Variants in NALCN observed in about 807,000 individuals in gnomAD.
The protein encoded by NALCN is sodium leak channel, non-selective.
A neutral mutation model predicts 225.3 loss-of-function variants in NALCN; 111 were observed. The ratio of observed to expected loss-of-function variants is 0.49; its 90% confidence interval spans 0.42 to 0.58. NALCN has a LOEUF of 0.58. Among genes scored for constraint, NALCN ranks in the 20% least tolerant of loss-of-function variants. The pLI is 0.00. For missense variants in NALCN, 1,378 were observed against 2,202.4 expected, an observed-to-expected ratio of 0.63 and a Z score of 7.49; for synonymous variants, 764 against 769.0, an observed-to-expected ratio of 0.99 and a Z score of 0.11.
intron 28 of NALCN, among the ~76,000 whole-genome samples, chr13:101,091,413 A>G (rs2034228216): frequency 6.6e-6 from 1 of 152,206 alleles, no homozygotes; most frequent in Non-Finnish European, 1.5e-5. Flanking sequence ...ATGTGCCTTC[A>G]TAAGTTTTTT....
At position 101,108,119 on chromosome 13, in the gene NALCN, A is replaced by G. The variant is rs9585625; in HGVS notation, c.2365-330T>C. On this transcript the variant is annotated intron_variant, in intron 20 of 43. Coordinates refer to ENST00000251127, the MANE Select transcript of NALCN (RefSeq NM_052867.4). ...TATATATTTATAATTATGTATATTT[A>G]TACTAAAGGTATATATTTACATTAA... Among the ~76,000 whole-genome samples the G allele has an allele frequency of 5.4e-3, 804 of 148,934 alleles. 5 individuals carry two copies. The highest frequency in any genetic ancestry group is 0.019 in the African/African-American group (773 of 40,978).
chr13:101,315,000 C>CTTTTCCAATGGGAAGAAAAGCT (rs11272454), intron 7 of NALCN, among the ~76,000 whole-genome samples: 1 of 152,042 alleles, frequency 6.6e-6, no homozygotes, highest in Non-Finnish European at 1.5e-5. Context: ...TAAGGAAGGG[C>CTTTTCCAATGGGAAGAAAAGCT]TTACAAAGGA....
intron 13 of NALCN, among the ~76,000 whole-genome samples, chr13:101,193,188 C>T (rs981846814): frequency 6.6e-6 from 1 of 150,940 alleles, no homozygotes; most frequent in Non-Finnish European, 1.5e-5. Flanking sequence ...ATTTCTGGCA[C>T]TAATAGAAGT....
chr13:101,202,461 G>A (rs906765063), intron 13 of NALCN, among the ~76,000 whole-genome samples: 1 of 152,170 alleles, frequency 6.6e-6, no homozygotes, highest in Non-Finnish European at 1.5e-5. Context: ...ATATAGTACT[G>A]TTGGTTAGAG....
intron 13 of NALCN, among the ~76,000 whole-genome samples, chr13:101,203,269 G>A (rs1050622389): frequency 2.6e-5 from 4 of 152,172 alleles, no homozygotes; most frequent in African/African-American, 7.2e-5. Flanking sequence ...AGGCTGGAGT[G>A]CAATGGCACG....
chr13:101,397,038 T>G (rs2047312678), intron 2 of NALCN, among the ~76,000 whole-genome samples: 1 of 132,226 alleles, frequency 7.6e-6, no homozygotes, highest in Non-Finnish European at 1.6e-5. Context: ...TGCTTTGCAG[T>G]CCAAGAAGTA....
intron 1 of NALCN, among the ~76,000 whole-genome samples, chr13:101,414,679 C>T (rs745496522): frequency 4.6e-5 from 7 of 152,126 alleles, no homozygotes; most frequent in Non-Finnish European, 1.0e-4. Flanking sequence ...TTTTTAAGTA[C>T]ATTTTTTAAG....
chr13:101,368,681 T>C (rs2046451022), intron 6 of NALCN: 1 of 152,300 alleles, frequency 6.6e-6, no homozygotes, highest in African/African-American at 2.4e-5. Flanking sequence ...TGTGGGGCTT[T>C]AAAATGCAGT....
chr13:101,227,482 T>C (rs958577179), intron 13 of NALCN, among the ~76,000 whole-genome samples: 1 of 152,108 alleles, frequency 6.6e-6, no homozygotes, highest in Non-Finnish European at 1.5e-5. Flanking sequence ...TCTCCTCCCG[T>C]GGAACACTGG....
Position 101,143,245 on chromosome 13 carries a change from A to C in NALCN, c.1977-24T>G, listed in dbSNP as rs2139788667. On this transcript the variant is annotated intron_variant, in intron 16 of 43. Transcript: ENST00000251127. ...CCCTTTGCAAATGAAGTATATGTGC[A>C]TCAGGCATTATTAGTGGAAGGGAGC... 2.5e-6 allele frequency: 4 copies of C among 1,581,068 alleles called. No individual in the cohort carries two copies. In the South Asian group the frequency reaches 4.7e-5, roughly 18 times the overall value.
At chr13:101,191,246 G>T (rs1415980683) in intron 14 of NALCN, among the ~76,000 whole-genome samples, 3 of 152,004 alleles carry the variant, frequency 2.0e-5, no homozygotes, top group Non-Finnish European at 4.4e-5. Flanking sequence ...TGAGCATTTG[G>T]TATTACATTC....
chr13:101,247,709 A>G (rs7317184), intron 11 of NALCN, among the ~76,000 whole-genome samples: 5,258 of 152,188 alleles, frequency 0.035, 216 homozygotes, highest in African/African-American at 0.097. Context: ...TTGTTACATA[A>G]GTAAATGTGT....
intron 7 of NALCN, among the ~76,000 whole-genome samples, chr13:101,334,373 G>A (rs1198207992): frequency 8.7e-5 from 13 of 149,558 alleles, no homozygotes; most frequent in African/African-American, 2.7e-4. Context: ...TAGGGGGAGC[G>A]GTAGGAGAGA....
chr13:101,207,567 T>C (rs908840033), intron 13 of NALCN, among the ~76,000 whole-genome samples: 29 of 152,344 alleles, frequency 1.9e-4, no homozygotes, highest in African/African-American at 6.7e-4. Context: ...TATTGAGACA[T>C]GAAGCTGGCT....
chr13:101,350,037 T>C (rs771528363), intron 6 of NALCN, among the ~76,000 whole-genome samples: 10 of 152,190 alleles, frequency 6.6e-5, no homozygotes, highest in African/African-American at 2.4e-4. Context: ...AAATATCTTT[T>C]GAGCTAATTC....
At position 101,366,923 on chromosome 13, in the gene NALCN, C is replaced by A. The variant is rs573506512; in HGVS notation, c.644+9777G>T. Among the ~76,000 whole-genome samples the A allele has an allele frequency of 1.9e-4, 29 of 151,894 alleles. No individual in the cohort carries two copies. The South Asian group carries it at 3.5e-3, about 18-fold the overall frequency. On this transcript the variant is annotated intron_variant, in intron 6 of 43. Transcript: ENST00000251127. ...CCCTTTGATCAGCAGCTCCTCATTC[C>A]CTTGCAGCTCCATCTCCTTCTCACC...
chr13:101,108,670 G>A (rs1303058865), intron 20 of NALCN, among the ~76,000 whole-genome samples: 1 of 152,200 alleles, frequency 6.6e-6, no homozygotes, highest in Non-Finnish European at 1.5e-5. Flanking sequence ...GGAATAGCCA[G>A]GATGCCAGTG....
chr13:101,144,475 G>GT (rs1257775854), intron 16 of NALCN, among the ~76,000 whole-genome samples: 1 of 152,238 alleles, frequency 6.6e-6, no homozygotes, highest in Non-Finnish European at 1.5e-5. Context: ...TTCCTGGGAT[G>GT]TCCCATTCCC....
intron 13 of NALCN, among the ~76,000 whole-genome samples, chr13:101,210,603 TTTTTAAAG>T (rs2040488180): frequency 6.6e-6 from 1 of 152,184 alleles, no homozygotes; most frequent in Non-Finnish European, 1.5e-5. Context: ...TTGGGGACTA[TTTTTAAAG>T]TTTTAAACTT....
Sources: gnomAD v4.1 joint callset for allele counts (sites outside exome capture counted in the v4.1 genomes callset) on GRCh38, gnomAD v4.1.1 for gene constraint, MANE v1.5 for transcripts, NCBI Gene and HGNC (gene_info 2026-07-23, HGNC 2026-07-21) for gene names.